Variants in NCKAP1 observed in about 807,000 individuals in gnomAD.
The protein encoded by NCKAP1 is NCK associated protein 1.
In NCKAP1, 21 loss-of-function variants were observed where a neutral mutation model predicts 151.2. The observed-to-expected ratio is 0.14, with a 90% CI of 0.10 to 0.20. The LOEUF is 0.20. Ranked by LOEUF, NCKAP1 falls within the 10% of genes least tolerant of loss-of-function variation. NCKAP1 has a pLI of 1.00. For missense variants in NCKAP1, 933 were observed against 1,352.1 expected, an observed-to-expected ratio of 0.69 and a Z score of 4.86; for synonymous variants, 484 against 451.8, an observed-to-expected ratio of 1.07 and a Z score of -0.90.
rs1696493176 is a variant in NCKAP1 at position 182,917,964 on chromosome 2, GTC to G, written c.*7736_*7737del. 1 of 152,140 alleles carries G rather than the reference GTC, an allele frequency of 6.6e-6. No homozygotes were observed. Among genetic ancestry groups the G allele is most frequent in the Non-Finnish European group, 1.5e-5 (1 of 68,026 alleles). 9.4% of individuals were successfully genotyped at this position (152,140 alleles called of 1,614,324 possible). A position where few individuals can be genotyped will look rare whatever the true frequency, so the allele number is the denominator to read the frequency against. ...TGGGCATAGTGTCCCCAAGCCCACA[GTC>G]ATTTACCCAGGAAATGTTTTTTAGT... On this transcript the variant is annotated 3_prime_UTR_variant, in exon 31 of 31. Coordinates refer to ENST00000361354, the MANE Select transcript of NCKAP1 (RefSeq NM_013436.5).
At chr2:182,967,806 C>T (rs893825095) in intron 15 of NCKAP1, among the ~76,000 whole-genome samples, 41 of 152,058 alleles carry the variant, frequency 2.7e-4, no homozygotes, top group Non-Finnish European at 6.0e-4. Context: ...ATATAATACA[C>T]TGTATTAATT....
In NCKAP1 at chr2:182,916,169, C is replaced by CA. The variant is rs760047982; in HGVS notation, c.*9532dup. 57,766 of 87,822 alleles carry CA rather than the reference C, an allele frequency of 0.66. 19,667 individuals carry two copies. The highest frequency in any genetic ancestry group is 0.84 in the East Asian group (2,460 of 2,924). The allele number at this position is 87,822 out of a possible 1,614,324, so 5.4% of individuals were successfully genotyped here. On this transcript the variant is annotated 3_prime_UTR_variant, in exon 31 of 31. Transcript: ENST00000361354. The stretch of plus-strand genomic sequence containing the variant: ...ACCTTGCTTCCCCTTCGCCTTCTGT[C>CA]AAAAAAAAAAAAAAAAAAAAAACAT...
At chr2:183,001,919 C>T (rs1472715528) in intron 6 of NCKAP1, 34 bp downstream of exon 6, 16 of 1,550,608 alleles carry the variant, frequency 1.0e-5, no homozygotes, top group Non-Finnish European at 1.4e-5. Flanking sequence ...TGTTATATGC[C>T]CATTCTCTCA....
At chr2:183,016,446 T>A (rs528577578) in intron 2 of NCKAP1, among the ~76,000 whole-genome samples, 1 of 152,242 alleles carries the variant, frequency 6.6e-6, no homozygotes, top group African/African-American at 2.4e-5. Flanking sequence ...ACTGATGATA[T>A]CTTTTTAAAA....
At chr2:182,996,851 G>A (rs140215714) in intron 6 of NCKAP1, among the ~76,000 whole-genome samples, 190 of 152,262 alleles carry the variant, frequency 1.2e-3, no homozygotes, top group African/African-American at 4.3e-3. Context: ...TAGTGAAACT[G>A]AACCTCTGGA....
intron 9 of NCKAP1, 69 bp from the exon 10 acceptor site, chr2:182,986,296 T>C (rs2105858770): frequency 4.0e-6 from 5 of 1,235,428 alleles, no homozygotes; most frequent in Middle Eastern, 4.0e-4. Flanking sequence ...GTAAGTCTAA[T>C]ACTAGAAGTC....
At chr2:182,959,944 G>A (rs1697409372) in intron 18 of NCKAP1, among the ~76,000 whole-genome samples, 2 of 151,598 alleles carry the variant, frequency 1.3e-5, no homozygotes, top group Non-Finnish European at 3.0e-5. Context: ...ACCAATAACA[G>A]ACAGAGAGCC....
At chr2:182,939,708 G>A (rs988477580) in intron 24 of NCKAP1, among the ~76,000 whole-genome samples, 1 of 151,992 alleles carries the variant, frequency 6.6e-6, no homozygotes, top group Non-Finnish European at 1.5e-5. Flanking sequence ...TGGACATGGG[G>A]AGAAGGAAGC....
Position 182,964,782 on chromosome 2 carries a change from ATCT to A in NCKAP1, c.1652_1654del (p.Lys551del). ...GGGTAACTCCAAACACTGTTGAAAC[ATCT>A]TCTCAAAAGCACGACTATAAAAACT... On this transcript the variant is annotated inframe_deletion, in exon 17 of 31. Coordinates refer to ENST00000361354, the MANE Select transcript of NCKAP1 (RefSeq NM_013436.5). 1 of 1,605,432 alleles carries A rather than the reference ATCT, an allele frequency of 6.2e-7. No individual in the cohort carries two copies.
rs1698117210 is a variant in NCKAP1, at chr2:182,989,194, T to G, written c.791-8A>C. ...GGCACAAAATAAAGCCAACTTTAAATAAAAAGAAAGCAAATACAAATGTAA... is the reference window on the plus strand; with the variant it reads ...GGCACAAAATAAAGCCAACTTTAAAGAAAAAGAAAGCAAATACAAATGTAA... On this transcript the variant is annotated splice_polypyrimidine_tract_variant and splice_region_variant and intron_variant, in intron 8 of 30. Transcript: ENST00000361354. The G allele has an allele frequency of 1.3e-6, 2 of 1,576,716 alleles. No individual in the cohort carries two copies. Among genetic ancestry groups the G allele is most frequent in the African/African-American group, 2.8e-5 (2 of 72,642 alleles).
At chr2:182,960,118 G>A (rs2105830586) in intron 18 of NCKAP1, among the ~76,000 whole-genome samples, 1 of 152,244 alleles carries the variant, frequency 6.6e-6, no homozygotes, top group Non-Finnish European at 1.5e-5. Context: ...CATGCTCATG[G>A]GTAGGAAGAA....
intron 20 of NCKAP1, among the ~76,000 whole-genome samples, 153 bp from the exon 21 acceptor site, chr2:182,953,484 C>T (rs765061658): frequency 3.2e-4 from 48 of 152,236 alleles, no homozygotes; most frequent in Middle Eastern, 3.4e-3. Flanking sequence ...CTGTCATTAT[C>T]TTCCCAGGAA....
chr2:183,000,210 C>G (rs1303874243), intron 6 of NCKAP1, among the ~76,000 whole-genome samples: 1 of 151,990 alleles, frequency 6.6e-6, no homozygotes, highest in Non-Finnish European at 1.5e-5. Context: ...TAAGGTATCA[C>G]GGAATATTAG....
intron 2 of NCKAP1, among the ~76,000 whole-genome samples, chr2:183,015,486 A>G (rs1265735571): frequency 2.8e-5 from 4 of 144,990 alleles, no homozygotes; most frequent in African/African-American, 7.8e-5. Context: ...AGGCTCCAGG[A>G]AAAAAAAAAA....
At chr2:182,951,168 C>G (rs1337245509) in intron 23 of NCKAP1, among the ~76,000 whole-genome samples, 1 of 152,030 alleles carries the variant, frequency 6.6e-6, no homozygotes, top group Non-Finnish European at 1.5e-5. Context: ...AATATTGCCT[C>G]TCCTTAAATC....
intron 2 of NCKAP1, among the ~76,000 whole-genome samples, chr2:183,018,702 T>A (rs1055250507): frequency 6.6e-5 from 10 of 152,330 alleles, no homozygotes; most frequent in African/African-American, 1.9e-4. Flanking sequence ...TTAAAAAGTG[T>A]GGATAAGTTC....
intron 1 of NCKAP1, among the ~76,000 whole-genome samples, chr2:183,028,274 A>G (rs1230047447): frequency 1.3e-5 from 2 of 152,092 alleles, no homozygotes; most frequent in African/African-American, 4.8e-5. Flanking sequence ...AATTGAAAAA[A>G]CAAAAACTCC....
intron 1 of NCKAP1, among the ~76,000 whole-genome samples, chr2:183,036,112 C>G (rs1216213759): frequency 6.6e-6 from 1 of 152,050 alleles, no homozygotes; most frequent in Admixed American, 6.5e-5. Flanking sequence ...GCTGAAGCTT[C>G]CCAAAACAGG....
At chr2:182,929,823 G>T (rs1696724350) in intron 27 of NCKAP1, among the ~76,000 whole-genome samples, 1 of 150,390 alleles carries the variant, frequency 6.6e-6, no homozygotes. Flanking sequence ...AGGCAGAAGG[G>T]GCATTTTAGT....
Sources: gnomAD v4.1 joint callset for allele counts (sites outside exome capture counted in the v4.1 genomes callset) on GRCh38, gnomAD v4.1.1 for gene constraint, MANE v1.5 for transcripts, NCBI Gene and HGNC (gene_info 2026-07-23, HGNC 2026-07-21) for gene names.